Variants in KCNIP4 observed in about 807,000 individuals in gnomAD.
KCNIP4 encodes the protein potassium voltage-gated channel interacting protein 4.
Under a neutral mutation model 34.0 loss-of-function variants are expected in KCNIP4, and 12 were observed. The ratio of observed to expected loss-of-function variants is 0.35; its 90% CI spans 0.23 to 0.57. The LOEUF is 0.57. Ranked by LOEUF, KCNIP4 falls within the 20% of genes least tolerant of loss-of-function variation. The pLI is 0.83. For synonymous variants in KCNIP4, 124 were observed against 102.2 expected, an observed-to-expected ratio of 1.21 and a Z score of -1.29; for missense variants, 238 against 311.7, an observed-to-expected ratio of 0.76 and a Z score of 1.78.
intron 1 of KCNIP4, among the ~76,000 whole-genome samples, chr4:21,545,070 C>G (rs1255482593): frequency 6.6e-6 from 1 of 152,130 alleles, no homozygotes; most frequent in Non-Finnish European, 1.5e-5. Context: ...TCAAAACCCA[C>G]CAAAAGCAAG....
intron 1 of KCNIP4, among the ~76,000 whole-genome samples, chr4:21,465,640 G>A (rs13120192): frequency 0.12 from 17,836 of 151,950 alleles, 1,242 homozygotes; most frequent in South Asian, 0.16. Flanking sequence ...TGACTTGTTC[G>A]CCTAACTTCT....
intron 1 of KCNIP4, among the ~76,000 whole-genome samples, chr4:21,910,684 ACT>A (rs1171749838): frequency 1.3e-5 from 2 of 152,166 alleles, no homozygotes; most frequent in African/African-American, 4.8e-5. Flanking sequence ...GCTTTTCATT[ACT>A]CTCTAATCTA....
chr4:21,092,932 T>C (rs1196692153), intron 1 of KCNIP4, among the ~76,000 whole-genome samples: 3 of 152,220 alleles, frequency 2.0e-5, no homozygotes, highest in African/African-American at 7.2e-5. Flanking sequence ...ACAGAAGTAT[T>C]TGATACAAGG....
chr4:21,839,732 G>A (rs1171645100), intron 1 of KCNIP4, among the ~76,000 whole-genome samples: 1 of 150,308 alleles, frequency 6.7e-6, no homozygotes, highest in African/African-American at 2.4e-5. Flanking sequence ...TCCTGCCTGG[G>A]CAACAAGAGC....
At chr4:21,513,111 C>A (rs901291357) in intron 1 of KCNIP4, among the ~76,000 whole-genome samples, 45 of 152,196 alleles carry the variant, frequency 3.0e-4, no homozygotes, top group African/African-American at 1.0e-3. Context: ...GGCAGAGAAA[C>A]ACTAGTCATT....
intron 1 of KCNIP4, among the ~76,000 whole-genome samples, chr4:21,257,154 G>T (rs1577974072): frequency 6.6e-6 from 1 of 152,224 alleles, no homozygotes; most frequent in East Asian, 1.9e-4. Context: ...TTGACAGTGT[G>T]TCATCAACTG....
At chr4:21,125,573 G>T (rs567545586) in intron 1 of KCNIP4, among the ~76,000 whole-genome samples, 3 of 152,180 alleles carry the variant, frequency 2.0e-5, no homozygotes, top group Non-Finnish European at 2.9e-5. Flanking sequence ...TAATTCATCA[G>T]GTCTGGGGTA....
intron 1 of KCNIP4, among the ~76,000 whole-genome samples, chr4:21,715,383 G>A (rs536784590): frequency 1.3e-5 from 2 of 152,116 alleles, no homozygotes; most frequent in Admixed American, 6.5e-5. Flanking sequence ...GCCCACCTTG[G>A]CCTCCCAAAG....
intron 1 of KCNIP4, among the ~76,000 whole-genome samples, chr4:21,095,717 C>T (rs56225495): frequency 0.16 from 24,184 of 151,936 alleles, 2,012 homozygotes; most frequent in East Asian, 0.23. Context: ...TTTTTCTTCT[C>T]CCAAACATAT....
intron 1 of KCNIP4, among the ~76,000 whole-genome samples, chr4:20,972,616 T>A (rs1019922234): frequency 1.3e-5 from 2 of 152,192 alleles, no homozygotes; most frequent in Non-Finnish European, 2.9e-5. Context: ...TTGTTCCACT[T>A]ACAGAGCACA....
At chr4:21,072,268 A>G (rs1169477622) in intron 1 of KCNIP4, among the ~76,000 whole-genome samples, 7 of 152,140 alleles carry the variant, frequency 4.6e-5, no homozygotes, top group Admixed American at 6.6e-5. Context: ...AACAGTGTAA[A>G]AGTGTTCCTA....
chr4:21,477,592 T>C (rs1346466510), intron 1 of KCNIP4, among the ~76,000 whole-genome samples: 1 of 152,142 alleles, frequency 6.6e-6, no homozygotes, highest in East Asian at 1.9e-4. Context: ...AATATATATA[T>C]AACTAACTTT....
At chr4:21,598,914 T>C (rs1742870299) in intron 1 of KCNIP4, among the ~76,000 whole-genome samples, 1 of 152,090 alleles carries the variant, frequency 6.6e-6, no homozygotes, top group East Asian at 1.9e-4. Context: ...TTATGACTCC[T>C]GGAAGACACA....
Position 21,296,940 on chromosome 4 carries a change from T to C in KCNIP4, c.62-414231A>G, listed in dbSNP as rs189706944. 1.7e-3 allele frequency among the ~76,000 whole-genome samples: 252 copies of C among 151,814 alleles called. 1 individual carries two copies. The highest frequency in any genetic ancestry group is 2.3e-3 in the Admixed American group (35 of 15,224). Reference sequence around the variant, plus strand: ...ATTTAATAATCGGCATGTTGAACAATTAAGGTAACTGCCCTCGTGACTTGT... The same window carrying C: ...ATTTAATAATCGGCATGTTGAACAACTAAGGTAACTGCCCTCGTGACTTGT... On this transcript the variant is annotated intron_variant, in intron 1 of 8. Transcript: ENST00000382152.
intron 1 of KCNIP4, among the ~76,000 whole-genome samples, chr4:21,310,842 ACG>A (rs1713078409): frequency 6.6e-6 from 1 of 151,762 alleles, no homozygotes; most frequent in African/African-American, 2.4e-5. Context: ...GTTAGCCAGG[ACG>A]GTCTGGATCG....
intron 1 of KCNIP4, among the ~76,000 whole-genome samples, chr4:21,484,005 CT>C (rs35586015): frequency 0.38 from 55,620 of 147,022 alleles, 10,726 homozygotes; most frequent in African/African-American, 0.49. Context: ...CCAATTAAAC[CT>C]TTTTTTTTTT....
chr4:21,755,953 T>C (rs1717484003), intron 1 of KCNIP4, among the ~76,000 whole-genome samples: 1 of 152,184 alleles, frequency 6.6e-6, no homozygotes, highest in Non-Finnish European at 1.5e-5. Context: ...TATTAGAAAC[T>C]ATAAATGGCT....
At chr4:21,311,486 C>T (rs1176697164) in intron 1 of KCNIP4, among the ~76,000 whole-genome samples, 3 of 152,070 alleles carry the variant, frequency 2.0e-5, no homozygotes, top group Non-Finnish European at 4.4e-5. Context: ...GTCAAGAGAT[C>T]GAGACCATCC....
chr4:20,825,225 G>GT (rs71181592), intron 3 of KCNIP4, among the ~76,000 whole-genome samples: 12,017 of 112,970 alleles, frequency 0.11, 1,108 homozygotes, highest in African/African-American at 0.21. Flanking sequence ...TCAATTTTAC[G>GT]TTTTTTTTTT....
Sources: gnomAD v4.1 joint callset for allele counts (sites outside exome capture counted in the v4.1 genomes callset) on GRCh38, gnomAD v4.1.1 for gene constraint, MANE v1.5 for transcripts, NCBI Gene and HGNC (gene_info 2026-07-23, HGNC 2026-07-21) for gene names.